Variants in TOPBP1 observed in about 807,000 individuals in gnomAD.
TOPBP1 encodes DNA topoisomerase 2-binding protein 1.
In TOPBP1, 28 loss-of-function variants were observed where a neutral mutation model predicts 167.7. The observed-to-expected ratio is 0.17, with a 90% CI of 0.12 to 0.23. The LOEUF (loss-of-function observed/expected upper bound fraction) is 0.23. TOPBP1 is among the 10% of genes least tolerant of loss of function. TOPBP1 has a pLI of 1.00. For synonymous variants in TOPBP1, 598 were observed against 611.4 expected, an observed-to-expected ratio of 0.98 and a Z score of 0.32; for missense variants, 1,554 against 1,809.6, an observed-to-expected ratio of 0.86 and a Z score of 2.56.
intron 19 of TOPBP1, among the ~76,000 whole-genome samples, chr3:133,622,140 A>G (rs1404365701): frequency 6.6e-6 from 1 of 151,996 alleles, no homozygotes; most frequent in Non-Finnish European, 1.5e-5. Context: ...AAGGTAACAA[A>G]AAGATCAGCG....
intron 14 of TOPBP1, among the ~76,000 whole-genome samples, chr3:133,629,810 G>T (rs181061700): frequency 6.6e-6 from 1 of 151,526 alleles, no homozygotes; most frequent in East Asian, 1.9e-4. Flanking sequence ...TTTTTGAGAC[G>T]GAGTCTCGCT....
At chr3:133,622,381 C>T (rs1018167295) in intron 19 of TOPBP1, among the ~76,000 whole-genome samples, 5 of 151,426 alleles carry the variant, frequency 3.3e-5, no homozygotes, top group East Asian at 1.9e-4. Context: ...TTAGTAGAGA[C>T]GGAGTTTCTC....
In TOPBP1 at chr3:133,617,165, C is replaced by A. The variant is rs1934921342; in HGVS notation, c.3754G>T (p.Glu1252Ter). Residue 1252 changes from glutamate to a stop codon, truncating the protein, a stop_gained, in exon 22 of 28, where the codon GAA becomes TAA. Transcript: ENST00000260810. LOFTEE classifies it high-confidence loss of function. ...ANPPVAPHPR[E>*]KIITIEETHE... ...CATATTAAGGATCAACAAACCTTTT[C>A]TCTAGGGTGCGGAGCCACAGGGGGG... 1 of 1,606,874 alleles carries A rather than the reference C, an allele frequency of 6.2e-7. No homozygotes were observed. Among genetic ancestry groups the A allele is most frequent in the Non-Finnish European group, 8.5e-7 (1 of 1,177,784 alleles).
chr3:133,636,760 C>T (rs1324348348), intron 14 of TOPBP1, among the ~76,000 whole-genome samples: 1 of 152,034 alleles, frequency 6.6e-6, no homozygotes. Flanking sequence ...AATAATGAAG[C>T]CGAAAGAGGT....
chr3:133,609,326 T>C (rs903726015), intron 25 of TOPBP1, among the ~76,000 whole-genome samples: 1 of 152,130 alleles, frequency 6.6e-6, no homozygotes, highest in Non-Finnish European at 1.5e-5. Context: ...CTTAAAAATG[T>C]TTACAAACTG....
chr3:133,626,541 T>C (rs78304905), intron 16 of TOPBP1, among the ~76,000 whole-genome samples: 1 of 152,202 alleles, frequency 6.6e-6, no homozygotes, highest in Non-Finnish European at 1.5e-5. Context: ...GTTATTTTTT[T>C]GCAGTTTTAA....
At chr3:133,652,116 T>C (rs1227716871) in intron 8 of TOPBP1, among the ~76,000 whole-genome samples, 1 of 150,424 alleles carries the variant, frequency 6.6e-6, no homozygotes, top group East Asian at 1.9e-4. Context: ...GGCAACAGAG[T>C]GAGACCCTAA....
intron 13 of TOPBP1, among the ~76,000 whole-genome samples, chr3:133,638,580 T>A (rs548654600): frequency 6.6e-6 from 1 of 152,302 alleles, no homozygotes; most frequent in Admixed American, 6.5e-5. Flanking sequence ...AACTACAGTC[T>A]AGTTTTGGAA....
chr3:133,660,073 T>C (rs1936633087), intron 2 of TOPBP1, among the ~76,000 whole-genome samples: 1 of 152,292 alleles, frequency 6.6e-6, no homozygotes, highest in African/African-American at 2.4e-5. Context: ...AACAGTACAC[T>C]AAACTTGGAT....
At position 133,620,168 on chromosome 3, in the gene TOPBP1, G is replaced by C. The variant is rs1437589584; in HGVS notation, c.3358C>G (p.Leu1120Val). The C allele has an allele frequency of 6.2e-7, 1 of 1,613,114 alleles. No homozygotes were observed. The highest frequency in any genetic ancestry group is 1.7e-5 in the Admixed American group (1 of 59,910). The part of the protein sequence containing the change: ...RSARSGRSRV[L>V]EALRQSRQTV... ...ACAGGTACACACCTCAGTGCCTCTA[G>C]GACTCTACTTCGTCCACTGCGAGCA... Residue 1120 changes from leucine (L) to valine (V), a missense_variant, in exon 20 of 28, where the codon CTA becomes GTA. By Grantham distance (32) the Leu-to-Val change is conservative. Around this residue, in one of 3 missense-constraint regions of TOPBP1, gnomAD observed 1,197 missense variants for 1,351.5 expected, o/e 0.89. Transcript: ENST00000260810.
At chr3:133,656,244 C>G (rs1936476555) in intron 5 of TOPBP1, among the ~76,000 whole-genome samples, 1 of 152,008 alleles carries the variant, frequency 6.6e-6, no homozygotes, top group African/African-American at 2.4e-5. Flanking sequence ...CACATCTCAG[C>G]TGATGACTTG....
chr3:133,639,582 G>C (rs1003519468), intron 13 of TOPBP1, among the ~76,000 whole-genome samples: 1 of 152,050 alleles, frequency 6.6e-6, no homozygotes, highest in African/African-American at 2.4e-5. Context: ...ATGTACCCCA[G>C]AACTTAAAGT....
chr3:133,648,830 T>G (rs763219018), intron 10 of TOPBP1, among the ~76,000 whole-genome samples: 5 of 152,198 alleles, frequency 3.3e-5, no homozygotes, highest in Non-Finnish European at 5.9e-5. Context: ...AGGTTCTTGT[T>G]TTATTCGAGG....
chr3:133,645,491 T>C (rs922664562), intron 10 of TOPBP1, among the ~76,000 whole-genome samples: 1 of 152,184 alleles, frequency 6.6e-6, no homozygotes, highest in Admixed American at 6.6e-5. Context: ...GAAAGTTTTT[T>C]AAACAGTTTT....
chr3:133,637,654 T>C (rs1228492647), intron 14 of TOPBP1, among the ~76,000 whole-genome samples: 2 of 152,208 alleles, frequency 1.3e-5, no homozygotes, highest in Non-Finnish European at 1.5e-5. Flanking sequence ...ATCCAGTACT[T>C]GAACCCAGAT....
chr3:133,624,029 G>A, intron 17 of TOPBP1, 23 bp downstream of exon 17: 1 of 1,603,276 alleles, frequency 6.2e-7, no homozygotes, highest in Non-Finnish European at 8.5e-7. Context: ...AACAGAGATG[G>A]GGGGGAAAAA....
rs376210448 is a variant in TOPBP1, at chr3:133,628,700, G to A, written c.2554C>T (p.Pro852Ser). 1 of 1,554,540 alleles carries A rather than the reference G, an allele frequency of 6.4e-7. No homozygotes were observed. Among genetic ancestry groups the A allele is most frequent in the South Asian group, 1.2e-5 (1 of 84,228 alleles). ...ALAALETPGR[P>S]SQQKRKPSTP... ...CTCGGTTTCCTTTTCTGTTGGCTGG[G>A]ACGTCCTGGAGTTTCCAAGGCTGCA... The change falls in exon 15 of 28, where the codon CCC becomes TCC. Residue 852 changes from proline to serine, a missense_variant. Pro to Ser is a moderately conservative substitution (Grantham distance 74, BLOSUM62 -1). Around this residue, in one of 3 missense-constraint regions of TOPBP1, gnomAD observed 1,197 missense variants for 1,351.5 expected, o/e 0.89. Transcript: ENST00000260810.
At chr3:133,651,227 A>C (rs1936290580) in intron 8 of TOPBP1, among the ~76,000 whole-genome samples, 1 of 117,406 alleles carries the variant, frequency 8.5e-6, no homozygotes. Flanking sequence ...ACTCTTGTTG[A>C]CCAGGCCGGA....
intron 24 of TOPBP1, among the ~76,000 whole-genome samples, chr3:133,612,038 CACTT>C (rs1227167107): frequency 6.6e-6 from 1 of 151,218 alleles, no homozygotes; most frequent in African/African-American, 2.4e-5. Flanking sequence ...TGCCAGCCAA[CACTT>C]ACTTTTTTTT....
Sources: gnomAD v4.1 joint callset for allele counts (sites outside exome capture counted in the v4.1 genomes callset) on GRCh38, gnomAD v4.1.1 for gene constraint, gnomAD v4.1.1 regional missense constraint, MANE v1.5 for transcripts, NCBI Gene and HGNC (gene_info 2026-07-23, HGNC 2026-07-21) for gene names.